The following MGAT4C variants were observed in gnomAD, a reference collection of about 807,000 sequenced individuals.
MGAT4C encodes the protein MGAT4 family member C.
Under a neutral mutation model 40.1 loss-of-function variants are expected in MGAT4C, and 19 were observed. The observed-to-expected ratio is 0.47, with a 90% CI of 0.33 to 0.70. The LOEUF (loss-of-function observed/expected upper bound fraction) is 0.70, where lower values mean the gene tolerates loss of function less well. Among genes scored for constraint, MGAT4C ranks in the 30% least tolerant of loss-of-function variants. The probability of loss-of-function intolerance (pLI) is 0.02; values close to 1 mark genes in which losing one functional copy is unlikely to be tolerated. For missense variants in MGAT4C, 491 were observed against 563.2 expected, an observed-to-expected ratio of 0.87 and a Z score of 1.30; for synonymous variants, 181 against 187.1, an observed-to-expected ratio of 0.97 and a Z score of 0.27.
intron 2 of MGAT4C, among the ~76,000 whole-genome samples, chr12:86,723,233 T>C (rs901796012): frequency 1.3e-5 from 2 of 152,216 alleles, no homozygotes; most frequent in South Asian, 2.1e-4. Flanking sequence ...TATGACTTCC[T>C]ACATAAATTC....
At chr12:86,540,741 AGAGAGAG>A (rs1959161938) in intron 2 of MGAT4C, among the ~76,000 whole-genome samples, 1 of 148,996 alleles carries the variant, frequency 6.7e-6, no homozygotes, top group Non-Finnish European at 1.5e-5. Context: ...ATCTCCAGAA[AGAGAGAG>A]AGAGAGAGAG....
intron 2 of MGAT4C, among the ~76,000 whole-genome samples, chr12:86,467,799 T>G (rs1957703238): frequency 1.3e-5 from 2 of 152,096 alleles, no homozygotes; most frequent in African/African-American, 4.8e-5. Flanking sequence ...CCAGGATTCT[T>G]GAGATAAAGG....
At chr12:86,530,194 T>C (rs907028386) in intron 2 of MGAT4C, among the ~76,000 whole-genome samples, 1 of 152,024 alleles carries the variant, frequency 6.6e-6, no homozygotes, top group African/African-American at 2.4e-5. Flanking sequence ...TCTTTGTTCC[T>C]TATAACTAGA....
At chr12:86,766,486 G>A (rs368223557) in intron 1 of MGAT4C, among the ~76,000 whole-genome samples, 6 of 151,930 alleles carry the variant, frequency 3.9e-5, no homozygotes, top group Middle Eastern at 6.8e-3. Flanking sequence ...AAGGATACCC[G>A]GGAATTGAAC....
intron 1 of MGAT4C, among the ~76,000 whole-genome samples, chr12:86,749,178 A>G (rs1359005787): frequency 1.3e-5 from 2 of 151,698 alleles, no homozygotes; most frequent in East Asian, 3.9e-4. Flanking sequence ...GGTTTTTCTC[A>G]GTAGTTAAAT....
chr12:86,834,503 T>A (rs781338239), intron 1 of MGAT4C, among the ~76,000 whole-genome samples: 16 of 151,724 alleles, frequency 1.1e-4, no homozygotes, highest in Admixed American at 6.6e-5. Flanking sequence ...ACCATTAATA[T>A]TTTTTACTGC....
chr12:86,022,592 T>C (rs1889857698), intron 2 of MGAT4C: 2 of 152,146 alleles, frequency 1.3e-5, no homozygotes, highest in Non-Finnish European at 2.9e-5. Flanking sequence ...GGTGCACAGC[T>C]GTAGTCCCAG....
At chr12:86,182,063 A>ATTGATTTTCTAAG (rs1888192898) in intron 1 of MGAT4C, among the ~76,000 whole-genome samples, 1 of 152,094 alleles carries the variant, frequency 6.6e-6, no homozygotes, top group African/African-American at 2.4e-5. Context: ...CTTTTCTAAT[A>ATTGATTTTCTAAG]TTGATTTTCT....
chr12:86,284,942 G>A (rs1953314341), intron 4 of MGAT4C, among the ~76,000 whole-genome samples: 1 of 151,774 alleles, frequency 6.6e-6, no homozygotes, highest in African/African-American at 2.4e-5. Context: ...ATTAATTTTA[G>A]CAACTAAACT....
intron 2 of MGAT4C, among the ~76,000 whole-genome samples, chr12:86,015,148 TAAAC>T (rs1241163339): frequency 3.3e-5 from 5 of 151,498 alleles, no homozygotes; most frequent in Admixed American, 6.6e-5. Flanking sequence ...TGAGGTGAAA[TAAAC>T]AAAGTTTGTT....
At chr12:86,099,387 G>C (rs989905155) in intron 1 of MGAT4C, among the ~76,000 whole-genome samples, 2 of 26,964 alleles carry the variant, frequency 7.4e-5, no homozygotes, top group African/African-American at 9.9e-5. Context: ...CTTTCTTTTG[G>C]GGGGGGGCAA....
chr12:86,379,805 A>C (rs1955895841), intron 3 of MGAT4C, among the ~76,000 whole-genome samples: 2 of 151,946 alleles, frequency 1.3e-5, no homozygotes, highest in South Asian at 4.1e-4. Flanking sequence ...TCTTTTTCCT[A>C]TTTTGTCATT....
chr12:86,467,890 A>G (rs939629042), intron 2 of MGAT4C, among the ~76,000 whole-genome samples: 1 of 152,110 alleles, frequency 6.6e-6, no homozygotes, highest in South Asian at 2.1e-4. Flanking sequence ...AGATTGACAA[A>G]TATCAAATTA....
chr12:86,470,047 C>A (rs1014630938), intron 2 of MGAT4C, among the ~76,000 whole-genome samples: 3 of 151,880 alleles, frequency 2.0e-5, no homozygotes, highest in Admixed American at 6.6e-5. Context: ...ATGTATACAC[C>A]ACATTTTATT....
intron 2 of MGAT4C, among the ~76,000 whole-genome samples, chr12:86,685,576 T>C (rs1707596398): frequency 1.3e-5 from 2 of 152,198 alleles, no homozygotes; most frequent in Admixed American, 1.3e-4. Flanking sequence ...AGAAAGTCAA[T>C]GGTAGCTTGA....
chr12:86,024,893 C>A (rs1271573491), intron 2 of MGAT4C, among the ~76,000 whole-genome samples: 1 of 151,382 alleles, frequency 6.6e-6, no homozygotes, highest in Non-Finnish European at 1.5e-5. Flanking sequence ...TTAAAAATTT[C>A]TAATACCCGA....
At chr12:86,622,455 T>C (rs1593052602) in intron 2 of MGAT4C, among the ~76,000 whole-genome samples, 1 of 151,614 alleles carries the variant, frequency 6.6e-6, no homozygotes, top group Non-Finnish European at 1.5e-5. Context: ...AACCTAAGAG[T>C]TCACACAGGT....
intron 1 of MGAT4C, among the ~76,000 whole-genome samples, chr12:86,115,638 A>G: frequency 6.6e-6 from 1 of 152,074 alleles, no homozygotes; most frequent in Non-Finnish European, 1.5e-5. Context: ...GTCATCTTAG[A>G]ATAATTCATT....
intron 4 of MGAT4C, among the ~76,000 whole-genome samples, chr12:86,297,118 A>G (rs1434881606): frequency 2.0e-5 from 3 of 152,244 alleles, no homozygotes; most frequent in Admixed American, 6.5e-5. Context: ...TGTGACCCCA[A>G]TGAAGGAAAT....
Sources: gnomAD v4.1 joint callset for allele counts (sites outside exome capture counted in the v4.1 genomes callset) on GRCh38, gnomAD v4.1.1 for gene constraint, MANE v1.5 for transcripts, NCBI Gene and HGNC (gene_info 2026-07-23, HGNC 2026-07-21) for gene names.